The following SLCO1B3 variants were observed in gnomAD, a reference collection of about 807,000 sequenced individuals.
SLCO1B3 encodes the protein liver-specific organic anion transporter 2.
In SLCO1B3, 72 loss-of-function variants were observed where a neutral mutation model predicts 71.8. That is an observed-to-expected ratio of 1.00 (90% CI 0.83 to 1.22). The LOEUF (loss-of-function observed/expected upper bound fraction) is 1.22, where lower values mean the gene tolerates loss of function less well. SLCO1B3 is among the 50% of genes most tolerant of loss of function. SLCO1B3 has a pLI of 0.00. For synonymous variants in SLCO1B3, 298 were observed against 278.4 expected (o/e 1.07, Z -0.70); for missense variants, 911 against 819.7 (o/e 1.11, Z -1.36).
chr12:20,857,670 T>C lies in SLCO1B3; in HGVS notation c.227-769T>C, dbSNP rs146310477. Among the ~76,000 whole-genome samples, 94 of 152,202 alleles carry C rather than the reference T, an allele frequency of 6.2e-4. 1 individual carries two copies. Among genetic ancestry groups the C allele is most frequent in the African/African-American group, 2.1e-3 (88 of 41,566 alleles). On this transcript the variant is annotated intron_variant, in intron 4 of 15. Transcript: ENST00000381545. ...TAAAAAAAGTTTCTACTCTTTTTAG[T>C]TTAATATTGTTTAAGTATTTATTCT...
At chr12:20,813,235 A>G (rs555210037) in intron 1 of SLCO1B3, among the ~76,000 whole-genome samples, 2 of 152,356 alleles carry the variant, frequency 1.3e-5, no homozygotes, top group South Asian at 4.1e-4. Context: ...TTTATAATAT[A>G]GAGAATCAAT....
chr12:20,824,391 A>T (rs1864380227), intron 3 of SLCO1B3, among the ~76,000 whole-genome samples: 1 of 152,168 alleles, frequency 6.6e-6, no homozygotes, highest in East Asian at 1.9e-4. Flanking sequence ...TATTCCAATG[A>T]TGCTATATCT....
chr12:20,832,950 A>AAGT (rs143741711), intron 3 of SLCO1B3, among the ~76,000 whole-genome samples: 1 of 151,790 alleles, frequency 6.6e-6, no homozygotes, highest in South Asian at 2.1e-4. Context: ...AAACAAAAAA[A>AAGT]ATTATCTTAG....
rs1424838811 is a variant in SLCO1B3, at chr12:20,879,617, C to T, written c.1317C>T (p.Thr439=). ...ICESKSVAGL[T]LTYDGNNSVA... Reference sequence around the variant, plus strand: ...AAAGCAAATCAGTTGCCGGCCTAACCTTGACCTATGATGGGTTTGTATATA... The same window carrying T: ...AAAGCAAATCAGTTGCCGGCCTAACTTTGACCTATGATGGGTTTGTATATA... Residue 439 remains threonine (T), a synonymous_variant, in exon 11 of 16, where the codon ACC becomes ACT. Coordinates refer to ENST00000381545, the MANE Select transcript of SLCO1B3 (RefSeq NM_019844.4). 4 of 1,608,370 alleles carry T rather than the reference C, an allele frequency of 2.5e-6. No homozygotes were observed. In the South Asian group the frequency reaches 4.4e-5, roughly 18 times the overall value.
intron 9 of SLCO1B3, 117 bp from the exon 10 acceptor site, chr12:20,877,655 T>C: frequency 2.4e-6 from 1 of 417,312 alleles, no homozygotes; most frequent in Non-Finnish European, 3.8e-6. Context: ...GTCGCGACTC[T>C]CTTAGAAAGC....
intron 3 of SLCO1B3, among the ~76,000 whole-genome samples, chr12:20,850,340 C>T (rs943165829): frequency 4.0e-5 from 6 of 150,922 alleles, no homozygotes; most frequent in Non-Finnish European, 5.9e-5. Context: ...AGTGCCATGG[C>T]GCATTCTCGG....
chr12:20,897,675 T>C (rs1278390798), intron 13 of SLCO1B3, among the ~76,000 whole-genome samples: 2 of 152,210 alleles, frequency 1.3e-5, no homozygotes, highest in Non-Finnish European at 2.9e-5. Context: ...AAACCCTTTT[T>C]ATCAGTTAAT....
chr12:20,875,008 G>A (rs557687938), intron 8 of SLCO1B3, among the ~76,000 whole-genome samples: 3 of 152,238 alleles, frequency 2.0e-5, no homozygotes, highest in South Asian at 2.1e-4. Context: ...CAGGCAATGC[G>A]AACAGTGTCA....
chr12:20,898,776 T>C (rs1357463308), intron 14 of SLCO1B3, among the ~76,000 whole-genome samples: 1 of 152,172 alleles, frequency 6.6e-6, no homozygotes, highest in Non-Finnish European at 1.5e-5. Flanking sequence ...AGATAGGTGG[T>C]CTCTGAGGTT....
chr12:20,818,070 G>T (rs1462239269), intron 3 of SLCO1B3, among the ~76,000 whole-genome samples: 1 of 152,036 alleles, frequency 6.6e-6, no homozygotes, highest in South Asian at 2.1e-4. Context: ...AAGTTTTTTT[G>T]GGGCACAGTC....
chr12:20,818,315 C>A (rs1325092990), intron 3 of SLCO1B3, among the ~76,000 whole-genome samples: 1 of 152,110 alleles, frequency 6.6e-6, no homozygotes, highest in Non-Finnish European at 1.5e-5. Flanking sequence ...AAATGCTTGA[C>A]TGATTTGACT....
intron 3 of SLCO1B3, among the ~76,000 whole-genome samples, chr12:20,820,685 C>T (rs1420981565): frequency 1.3e-5 from 2 of 151,944 alleles, no homozygotes; most frequent in African/African-American, 2.4e-5. Flanking sequence ...TATTTAATGT[C>T]AGGAGCAGAT....
intron 15 of SLCO1B3, among the ~76,000 whole-genome samples, chr12:20,904,697 G>A (rs1591791525): frequency 7.2e-6 from 1 of 138,708 alleles, no homozygotes; most frequent in South Asian, 2.6e-4. Context: ...TACTGCCCTA[G>A]TATAGGTTTT....
intron 11 of SLCO1B3, among the ~76,000 whole-genome samples, chr12:20,880,222 G>T (rs964842016): frequency 6.6e-6 from 1 of 151,126 alleles, no homozygotes; most frequent in African/African-American, 2.4e-5. Flanking sequence ...ATATTATAAA[G>T]TAAATCAGTA....
At chr12:20,831,738 A>G (rs1307145667) in intron 3 of SLCO1B3, among the ~76,000 whole-genome samples, 2 of 151,736 alleles carry the variant, frequency 1.3e-5, no homozygotes, top group African/African-American at 4.8e-5. Context: ...AAATCTTGTG[A>G]ATTAGGAGTA....
chr12:20,870,276 C>T (rs777633106), intron 8 of SLCO1B3, among the ~76,000 whole-genome samples: 8 of 151,956 alleles, frequency 5.3e-5, no homozygotes, highest in South Asian at 2.1e-4. Flanking sequence ...TCTCTTATTC[C>T]GTATGTTGCC....
At chr12:20,834,003 G>T (rs1864613128) in intron 3 of SLCO1B3, among the ~76,000 whole-genome samples, 1 of 145,356 alleles carries the variant, frequency 6.9e-6, no homozygotes, top group Non-Finnish European at 1.5e-5. Flanking sequence ...TCTATGTGTG[G>T]ATATGTGTAT....
chr12:20,901,245 AAAACTTT>A (rs1866125900), intron 14 of SLCO1B3, 98 bp from the exon 15 acceptor site: 1 of 790,564 alleles, frequency 1.3e-6, no homozygotes, highest in African/African-American at 1.8e-5. Flanking sequence ...ATAATTTTCC[AAAACTTT>A]AAACTTGTAT....
intron 8 of SLCO1B3, among the ~76,000 whole-genome samples, chr12:20,867,128 C>G (rs1255010825): frequency 2.6e-5 from 4 of 152,074 alleles, no homozygotes; most frequent in African/African-American, 9.7e-5. Context: ...GTCTGCTTTA[C>G]CCCAAACTCA....
Sources: allele counts gnomAD v4.1 joint callset (sites outside exome capture counted in the v4.1 genomes callset), GRCh38; gene constraint gnomAD v4.1.1; transcripts MANE v1.5; gene names NCBI Gene and HGNC (gene_info 2026-07-23, HGNC 2026-07-21).